Variants in XYLT1 observed in about 807,000 individuals in gnomAD.
The protein encoded by XYLT1 is beta-D-xylosyltransferase 1.
In XYLT1, 36 loss-of-function variants were observed where a neutral mutation model predicts 91.3. The ratio of observed to expected loss-of-function variants is 0.39; its 90% CI spans 0.30 to 0.52. XYLT1 has a LOEUF of 0.52. Among genes scored for constraint, XYLT1 ranks in the 20% least tolerant of loss-of-function variants. The pLI, the probability that XYLT1 is intolerant of heterozygous loss-of-function variation, is 0.68. For synonymous variants in XYLT1, 588 were observed against 532.0 expected (o/e 1.11, Z -1.45); for missense variants, 1,242 against 1,284.5 (o/e 0.97, Z 0.51).
At chr16:17,149,469 T>C (rs1423155472) in intron 6 of XYLT1, among the ~76,000 whole-genome samples, 4 of 152,202 alleles carry the variant, frequency 2.6e-5, no homozygotes, top group Non-Finnish European at 5.9e-5. Context: ...CCCCCTTTTC[T>C]GTTTTCCTGT....
intron 1 of XYLT1, among the ~76,000 whole-genome samples, chr16:17,459,392 T>C (rs1299461940): frequency 6.6e-6 from 1 of 152,106 alleles, no homozygotes; most frequent in African/African-American, 2.4e-5. Flanking sequence ...CAAATAAATT[T>C]AAGAAGTGAA....
At chr16:17,198,097 T>C in intron 5 of XYLT1, 115 bp downstream of exon 5, 3 of 1,081,134 alleles carry the variant, frequency 2.8e-6, no homozygotes, top group South Asian at 1.5e-5. Flanking sequence ...AATCCTATCC[T>C]GAGCGATCCT....
At chr16:17,454,913 G>GC (rs1181699156) in intron 1 of XYLT1, among the ~76,000 whole-genome samples, 310 of 30,124 alleles carry the variant, frequency 0.01, 9 homozygotes, top group East Asian at 0.048. Context: ...TCCCCCCCCC[G>GC]CCCCCCCCCG....
chr16:17,187,831 A>G (rs1400855770), intron 5 of XYLT1, among the ~76,000 whole-genome samples: 1 of 151,906 alleles, frequency 6.6e-6, no homozygotes, highest in African/African-American at 2.4e-5. Flanking sequence ...TCTCCACCAT[A>G]TTCTTTCTCA....
At chr16:17,355,365 C>T (rs6498694) in intron 2 of XYLT1, 75,200 of 152,090 alleles carry the variant, frequency 0.49, 20,786 homozygotes, top group African/African-American at 0.74. Flanking sequence ...TCCAGAGTTC[C>T]GGACACAGAT....
At chr16:17,466,655 G>A (rs183689211) in intron 1 of XYLT1, among the ~76,000 whole-genome samples, 45 of 152,132 alleles carry the variant, frequency 3.0e-4, no homozygotes, top group Admixed American at 7.2e-4. Flanking sequence ...TGAAGAGAAC[G>A]TCTAAAGTAT....
chr16:17,238,759 T>C (rs772413520), intron 3 of XYLT1, among the ~76,000 whole-genome samples: 1 of 152,258 alleles, frequency 6.6e-6, no homozygotes, highest in Non-Finnish European at 1.5e-5. Context: ...GTGGCAACTT[T>C]AGGACTTTTG....
chr16:17,178,105 C>T (rs1344477291), intron 5 of XYLT1, among the ~76,000 whole-genome samples: 1 of 152,058 alleles, frequency 6.6e-6, no homozygotes, highest in Admixed American at 6.5e-5. Flanking sequence ...TATGCTCTGG[C>T]TGGCAGGAAC....
intron 11 of XYLT1, 119 bp from the exon 12 acceptor site, chr16:17,109,136 G>T: frequency 9.5e-7 from 1 of 1,050,016 alleles, no homozygotes; most frequent in Non-Finnish European, 1.3e-6. Context: ...TAATTCACAT[G>T]ACAATCTCAT....
chr16:17,347,742 C>T (rs9934298), intron 2 of XYLT1, among the ~76,000 whole-genome samples: 2 of 152,266 alleles, frequency 1.3e-5, no homozygotes, highest in Non-Finnish European at 2.9e-5. Context: ...GAGGCGGGGG[C>T]CCGGTCAGGG....
chr16:17,331,997 G>T (rs577064800), intron 2 of XYLT1, among the ~76,000 whole-genome samples: 1 of 152,252 alleles, frequency 6.6e-6, no homozygotes, highest in Admixed American at 6.5e-5. Context: ...CCAGCCTCTG[G>T]GATTATTTAA....
chr16:17,356,232 G>A (rs1204283326), intron 2 of XYLT1, among the ~76,000 whole-genome samples: 1 of 152,228 alleles, frequency 6.6e-6, no homozygotes, highest in Non-Finnish European at 1.5e-5. Flanking sequence ...TGAAAGCAAA[G>A]TGAGTTATGT....
At chr16:17,323,249 G>A (rs897324118) in intron 2 of XYLT1, among the ~76,000 whole-genome samples, 9 of 152,254 alleles carry the variant, frequency 5.9e-5, no homozygotes, top group East Asian at 5.8e-4. Flanking sequence ...GGGGCAGTAC[G>A]TAGAGGACAG....
intron 1 of XYLT1, among the ~76,000 whole-genome samples, chr16:17,381,730 A>G (rs1488624532): frequency 1.3e-5 from 2 of 152,070 alleles, no homozygotes; most frequent in Non-Finnish European, 2.9e-5. Context: ...CCTGGTCGCA[A>G]TATCTTAATA....
chr16:17,317,843 G>A (rs2034659455), intron 2 of XYLT1, among the ~76,000 whole-genome samples: 1 of 151,882 alleles, frequency 6.6e-6, no homozygotes, highest in African/African-American at 2.4e-5. Flanking sequence ...ATATGTTTCA[G>A]CCACCACGGC....
At chr16:17,448,753 G>A (rs894733400) in intron 1 of XYLT1, among the ~76,000 whole-genome samples, 1 of 151,972 alleles carries the variant, frequency 6.6e-6, no homozygotes, top group Admixed American at 6.6e-5. Context: ...GGAGGAGGAG[G>A]GCAGAGGAAG....
intron 5 of XYLT1, among the ~76,000 whole-genome samples, chr16:17,181,760 T>G (rs1295156219): frequency 1.3e-5 from 2 of 150,878 alleles, no homozygotes; most frequent in Non-Finnish European, 3.0e-5. Context: ...TTGCACTTCT[T>G]TTTTTTTTAA....
Position 17,107,681 on chromosome 16 carries a change from A to AG in XYLT1, c.*1013dup, listed in dbSNP as rs1361136501. On this transcript the variant is annotated 3_prime_UTR_variant, in exon 12 of 12. Coordinates refer to ENST00000261381, the MANE Select transcript of XYLT1 (RefSeq NM_022166.4). ...GACCTCAGAACGGAAGGGCTCTGGC[A>AG]GGGGATGGGTGCTGCTGTGCTGTCT... 1 of 152,874 alleles carries AG rather than the reference A, an allele frequency of 6.5e-6. No homozygotes were observed. The highest frequency in any genetic ancestry group is 2.4e-5 in the African/African-American group (1 of 41,466). The allele number at this position is 152,874 out of a possible 1,614,324, so 9.5% of individuals were successfully genotyped here.
chr16:17,161,713 G>T, intron 5 of XYLT1, among the ~76,000 whole-genome samples: 1 of 145,260 alleles, frequency 6.9e-6, no homozygotes. Flanking sequence ...ACTCACACAC[G>T]TTTCTCACTC....
Sources: gnomAD v4.1 joint callset for allele counts (sites outside exome capture counted in the v4.1 genomes callset) on GRCh38, gnomAD v4.1.1 for gene constraint, MANE v1.5 for transcripts, NCBI Gene and HGNC (gene_info 2026-07-23, HGNC 2026-07-21) for gene names.